The following PTP4A1 variants were observed in gnomAD, a reference collection of about 807,000 sequenced individuals.
The protein encoded by PTP4A1 is protein tyrosine phosphatase type IVA 1.
In PTP4A1, 9 loss-of-function variants were observed where a neutral mutation model predicts 20.5. The observed-to-expected ratio is 0.44, with a 90% CI of 0.26 to 0.77. The LOEUF is 0.77. PTP4A1 is among the 30% of genes least tolerant of loss of function. The pLI is 0.19. For missense variants in PTP4A1, 137 were observed against 218.8 expected, an observed-to-expected ratio of 0.63 and a Z score of 2.36; for synonymous variants, 78 against 67.4, an observed-to-expected ratio of 1.16 and a Z score of -0.77.
chr6:63,576,658 A>C lies in PTP4A1; in HGVS notation c.-223A>C. On this transcript the variant is annotated 5_prime_UTR_variant, in exon 2 of 6. Transcript: ENST00000626021. ...TTCTGACCTGGATGGGGTAAACCTC[A>C]GTGCACTTCTTTTCTGTTGGCCTCA... 1 of 569,542 alleles carries C rather than the reference A, an allele frequency of 1.8e-6. No homozygotes were observed. The highest frequency in any genetic ancestry group is 2.9e-5 in the East Asian group (1 of 33,970). The allele number at this position is 569,542 out of a possible 1,614,324, so 35.3% of individuals were successfully genotyped here.
upstream of PTP4A1, among the ~76,000 whole-genome samples, chr6:63,518,678 CA>C (rs1183040724): frequency 6.6e-6 from 1 of 152,186 alleles, no homozygotes; most frequent in Non-Finnish European, 1.5e-5. Context: ...TTCTTTCTAG[CA>C]AGCCATTCAG....
intron 2 of PTP4A1, among the ~76,000 whole-genome samples, chr6:63,531,767 A>G (rs1286736986): frequency 6.6e-6 from 1 of 152,000 alleles, no homozygotes; most frequent in Non-Finnish European, 1.5e-5. Flanking sequence ...CTGTGATTAC[A>G]GGCATGAACC....
intron 2 of PTP4A1, among the ~76,000 whole-genome samples, chr6:63,544,718 T>G (rs1776113658): frequency 6.6e-6 from 1 of 152,170 alleles, no homozygotes; most frequent in East Asian, 1.9e-4. Context: ...TTTCTGATGT[T>G]TCCTCATGAT....
chr6:63,549,772 A>T (rs1180623621), intron 2 of PTP4A1, among the ~76,000 whole-genome samples: 1 of 152,152 alleles, frequency 6.6e-6, no homozygotes, highest in Non-Finnish European at 1.5e-5. Context: ...GATCTTATAG[A>T]AGTAAAAAGT....
At chr6:63,556,932 G>A (rs984123080) in intron 3 of PTP4A1, among the ~76,000 whole-genome samples, 1 of 152,120 alleles carries the variant, frequency 6.6e-6, no homozygotes, top group Non-Finnish European at 1.5e-5. Flanking sequence ...CTCATTGTCT[G>A]CTGCCAGATC....
upstream of PTP4A1, among the ~76,000 whole-genome samples, chr6:63,517,761 C>T (rs759986018): frequency 6.6e-6 from 1 of 152,122 alleles, no homozygotes; most frequent in Non-Finnish European, 1.5e-5. Context: ...TAAGGAGCAG[C>T]CTTCCTCTGC....
At chr6:63,531,387 AT>A (rs1199217086) in intron 2 of PTP4A1, among the ~76,000 whole-genome samples, 3 of 115,626 alleles carry the variant, frequency 2.6e-5, no homozygotes, top group African/African-American at 4.5e-5. Flanking sequence ...AAAAATGAAC[AT>A]TTATTTGGAA....
intron 3 of PTP4A1, among the ~76,000 whole-genome samples, chr6:63,565,334 C>A (rs1581940706): frequency 6.6e-6 from 1 of 151,992 alleles, no homozygotes; most frequent in East Asian, 1.9e-4. Context: ...TTGGAGACTA[C>A]CTAGACAACT....
intron 3 of PTP4A1, among the ~76,000 whole-genome samples, chr6:63,555,738 G>A (rs1776657996): frequency 7.0e-6 from 1 of 142,122 alleles, no homozygotes; most frequent in South Asian, 2.2e-4. Context: ...CTGTCACCCA[G>A]CCTGGAGTGC....
upstream of PTP4A1, among the ~76,000 whole-genome samples, chr6:63,570,647 C>T (rs1309948234): frequency 6.6e-6 from 1 of 152,192 alleles, no homozygotes; most frequent in Admixed American, 6.5e-5. Flanking sequence ...TATATCTTGT[C>T]CCACCAAATG....
chr6:63,558,959 C>T (rs780769694), intron 3 of PTP4A1, among the ~76,000 whole-genome samples: 1 of 152,154 alleles, frequency 6.6e-6, no homozygotes, highest in Non-Finnish European at 1.5e-5. Context: ...ATAGTAAGCA[C>T]TGAATAAATG....
upstream of PTP4A1, among the ~76,000 whole-genome samples, chr6:63,520,630 C>CAAATAAATAAAT (rs201294226): frequency 0.014 from 1,960 of 139,052 alleles, 28 homozygotes; most frequent in African/African-American, 0.038. Flanking sequence ...GACTCTGTCT[C>CAAATAAATAAAT]AAATAAATAA....
chr6:63,578,607 T>C (rs1404208676), intron 3 of PTP4A1, 78 bp downstream of exon 3: 9 of 1,513,180 alleles, frequency 5.9e-6, no homozygotes, highest in South Asian at 1.3e-5. Flanking sequence ...CAAATAAATA[T>C]CTATTTAAGT....
chr6:63,562,201 C>CT (rs60593360), intron 3 of PTP4A1, among the ~76,000 whole-genome samples: 17,365 of 137,214 alleles, frequency 0.13, 1,467 homozygotes, highest in African/African-American at 0.24. Flanking sequence ...TTTTCTTTTT[C>CT]TTTTTTTTTT....
intron 2 of PTP4A1, among the ~76,000 whole-genome samples, chr6:63,534,176 T>G (rs551849264): frequency 9.2e-5 from 14 of 152,014 alleles, no homozygotes; most frequent in Non-Finnish European, 1.8e-4. Flanking sequence ...AAACTGCCAT[T>G]CATCACAAAT....
intron 2 of PTP4A1, among the ~76,000 whole-genome samples, chr6:63,533,434 T>C (rs1232216584): frequency 6.6e-6 from 1 of 152,152 alleles, no homozygotes; most frequent in Non-Finnish European, 1.5e-5. Context: ...TATCTTAATT[T>C]TGTATTACAC....
intron 3 of PTP4A1, among the ~76,000 whole-genome samples, chr6:63,563,058 T>C (rs1777034138): frequency 6.6e-6 from 1 of 152,252 alleles, no homozygotes; most frequent in Non-Finnish European, 1.5e-5. Context: ...CACTTTTCTC[T>C]GCCTCCACTG....
At chr6:63,577,951 G>T (rs1777975342) in intron 2 of PTP4A1, among the ~76,000 whole-genome samples, 1 of 149,856 alleles carries the variant, frequency 6.7e-6, no homozygotes. Context: ...GTTTTAAATG[G>T]TATGTGGGCT....
chr6:63,549,566 G>GTTT, intron 2 of PTP4A1: 9 of 498,350 alleles, frequency 1.8e-5, no homozygotes, highest in African/African-American at 8.0e-5. Context: ...AAGATTTGAA[G>GTTT]TTTTTTTTTT....
Sources: gnomAD v4.1 joint callset for allele counts (sites outside exome capture counted in the v4.1 genomes callset) on GRCh38, gnomAD v4.1.1 for gene constraint, MANE v1.5 for transcripts, NCBI Gene and HGNC (gene_info 2026-07-23, HGNC 2026-07-21) for gene names.